The following GATB variants were observed in gnomAD, a reference collection of about 807,000 sequenced individuals.
The protein encoded by GATB is glutamyl-tRNA(Gln) amidotransferase subunit B, mitochondrial.
Under a neutral mutation model 62.3 loss-of-function variants are expected in GATB, and 39 were observed. The ratio of observed to expected loss-of-function variants is 0.63; its 90% CI spans 0.48 to 0.82. The LOEUF (loss-of-function observed/expected upper bound fraction) is 0.82, where lower values mean the gene tolerates loss of function less well. GATB is among the 40% of genes least tolerant of loss of function. The probability of loss-of-function intolerance (pLI) is 0.00; values close to 1 mark genes in which losing one functional copy is unlikely to be tolerated. For missense variants in GATB, 670 were observed against 684.0 expected (o/e 0.98, Z 0.23); for synonymous variants, 276 against 258.9 (o/e 1.07, Z -0.63).
intron 10 of GATB, among the ~76,000 whole-genome samples, chr4:151,684,973 G>T (rs570469499): frequency 6.6e-6 from 1 of 152,144 alleles, no homozygotes; most frequent in African/African-American, 2.4e-5. Flanking sequence ...CAAGCCAGGC[G>T]ACTTGGCTTC....
rs1271801952 is a variant in GATB, at chr4:151,679,786, C to T, written c.1410+27G>A. On this transcript the variant is annotated intron_variant, in intron 11 of 12. Transcript: ENST00000263985. Reference sequence around the variant, plus strand: ...ACATTTCTTGGGACAGTAGCACAGTCAGAAGCTGTCGGGAGTGTGGACATA... The same window carrying T: ...ACATTTCTTGGGACAGTAGCACAGTTAGAAGCTGTCGGGAGTGTGGACATA... 2.5e-6 allele frequency: 4 copies of T among 1,593,696 alleles called. No individual in the cohort carries two copies. The South Asian group carries it at 4.4e-5, about 18-fold the overall frequency.
chr4:151,684,542 T>C (rs1284763022), intron 10 of GATB, among the ~76,000 whole-genome samples: 1 of 152,248 alleles, frequency 6.6e-6, no homozygotes, highest in Non-Finnish European at 1.5e-5. Flanking sequence ...TAGCTAGTTT[T>C]GCAGCTACTG....
At chr4:151,723,757 C>G (rs964335094) in intron 2 of GATB, 2 of 151,980 alleles carry the variant, frequency 1.3e-5, no homozygotes, top group East Asian at 3.9e-4. Flanking sequence ...ACACAGGCAC[C>G]CATACAATGA....
Position 151,670,890 on chromosome 4 carries a change from C to G in GATB, c.*284G>C. 1 of 333,088 alleles carries G rather than the reference C, an allele frequency of 3.0e-6. No homozygotes were observed. Among genetic ancestry groups the G allele is most frequent in the Non-Finnish European group, 5.5e-6 (1 of 181,938 alleles). The allele number at this position is 333,088 out of a possible 1,614,324, so 20.6% of individuals were successfully genotyped here. ...ATACATTTTATTTAGTTTAAAATTC[C>G]TTAATACAAGAAGGTGTTACTCCTT... On this transcript the variant is annotated 3_prime_UTR_variant, in exon 13 of 13. Transcript: ENST00000263985.
chr4:151,702,818 C>A (rs903964421), intron 8 of GATB, among the ~76,000 whole-genome samples: 3 of 152,114 alleles, frequency 2.0e-5, no homozygotes, highest in African/African-American at 7.2e-5. Flanking sequence ...GCAGGGTATT[C>A]AGAAGAAGTG....
At chr4:151,706,041 C>T (rs1240692216) in intron 6 of GATB, among the ~76,000 whole-genome samples, 1 of 152,194 alleles carries the variant, frequency 6.6e-6, no homozygotes, top group Non-Finnish European at 1.5e-5. Context: ...ACTACCTTCC[C>T]TTGCCCAAAC....
chr4:151,750,035 C>T lies in GATB; in HGVS notation c.327+8737G>A, dbSNP rs190402630. ...TAGCTGGGACTACAGACGTCCGCCA[C>T]CACACCCAGCTAATTTTTTGTACTT... On this transcript the variant is annotated intron_variant, in intron 2 of 12. Transcript: ENST00000263985. 1.1e-4 allele frequency among the ~76,000 whole-genome samples: 17 copies of T among 152,224 alleles called. No homozygotes were observed. In the East Asian group the frequency reaches 3.3e-3, roughly 29 times the overall value.
At chr4:151,750,802 AT>A (rs113055258) in intron 2 of GATB, among the ~76,000 whole-genome samples, 265 of 140,166 alleles carry the variant, frequency 1.9e-3, no homozygotes, top group Non-Finnish European at 2.1e-3. Context: ...TTATTTTTGT[AT>A]TTTTTTTTTT....
At chr4:151,687,932 A>G (rs1451116527) in intron 10 of GATB, among the ~76,000 whole-genome samples, 1 of 152,202 alleles carries the variant, frequency 6.6e-6, no homozygotes, top group African/African-American at 2.4e-5. Flanking sequence ...GTTGAGTGAG[A>G]CACACTGCAT....
chr4:151,698,331 A>C (rs1444422640), intron 9 of GATB, among the ~76,000 whole-genome samples: 1 of 152,144 alleles, frequency 6.6e-6, no homozygotes, highest in Non-Finnish European at 1.5e-5. Context: ...ATGACAAGAT[A>C]AATTAAAGAC....
intron 10 of GATB, among the ~76,000 whole-genome samples, chr4:151,687,719 G>A (rs1221120937): frequency 6.6e-6 from 1 of 152,128 alleles, no homozygotes; most frequent in Non-Finnish European, 1.5e-5. Context: ...TATAAGAAGA[G>A]ATTGGAGGGC....
At chr4:151,674,301 A>G (rs1458256085) in intron 11 of GATB, 5 of 152,218 alleles carry the variant, frequency 3.3e-5, no homozygotes, top group Admixed American at 2.0e-4. Flanking sequence ...CACTCTCAAC[A>G]TGCTTATCAG....
At chr4:151,722,173 A>G (rs1739045028) in intron 2 of GATB, 1 of 702,380 alleles carries the variant, frequency 1.4e-6, no homozygotes, top group East Asian at 2.7e-5. Flanking sequence ...TGTTCTGAGG[A>G]TAGGATACAG....
rs1274616728 is a variant in GATB, at chr4:151,760,966, AG to A, written c.16del (p.Leu6CysfsTer62). Reference protein sequence around the residue: MAAPMLRWGCRGRRWA... With the variant: MAAPMXRWGCRGRRWA... ...ACGTCTTCCACGGCAGCCCCAGCGC[AG>A]CATGGGCGCCGCCATTGTAACTCCA... On this transcript the variant is annotated frameshift_variant, in exon 1 of 13. Transcript: ENST00000263985. LOFTEE classifies it high-confidence loss of function. 4 of 1,611,318 alleles carry A rather than the reference AG, an allele frequency of 2.5e-6. No individual in the cohort carries two copies.
At chr4:151,731,349 A>C (rs28637056) in intron 2 of GATB, among the ~76,000 whole-genome samples, 1 of 152,054 alleles carries the variant, frequency 6.6e-6, no homozygotes, top group Non-Finnish European at 1.5e-5. Flanking sequence ...GCTCCTAATC[A>C]CAAGTGATCT....
At chr4:151,716,754 T>C (rs1029519177) in intron 4 of GATB, 122 bp downstream of exon 4, 3 of 811,334 alleles carry the variant, frequency 3.7e-6, no homozygotes, top group Admixed American at 2.5e-5. Context: ...TTAGTCTCCA[T>C]CTATCAGGCT....
chr4:151,700,281 CACT>C (rs1380649180), intron 9 of GATB, among the ~76,000 whole-genome samples: 1 of 152,096 alleles, frequency 6.6e-6, no homozygotes, highest in Non-Finnish European at 1.5e-5. Flanking sequence ...GAACAACATA[CACT>C]AATAAGTACT....
chr4:151,698,845 A>C (rs1738540559), intron 9 of GATB, among the ~76,000 whole-genome samples: 1 of 152,180 alleles, frequency 6.6e-6, no homozygotes, highest in Non-Finnish European at 1.5e-5. Flanking sequence ...GTATCAAAAA[A>C]AGTCCTTTCA....
intron 2 of GATB, among the ~76,000 whole-genome samples, chr4:151,753,148 G>A (rs907374045): frequency 5.3e-5 from 8 of 152,168 alleles, no homozygotes; most frequent in Non-Finnish European, 1.0e-4. Context: ...GTCTGATACC[G>A]CCTTTTGCTC....
Sources: gnomAD v4.1 joint callset for allele counts (sites outside exome capture counted in the v4.1 genomes callset) on GRCh38, gnomAD v4.1.1 for gene constraint, MANE v1.5 for transcripts, NCBI Gene and HGNC (gene_info 2026-07-23, HGNC 2026-07-21) for gene names.